The following VWC2 variants were observed in gnomAD, a reference collection of about 807,000 sequenced individuals.
VWC2 encodes brorin.
A neutral mutation model predicts 29.8 loss-of-function variants in VWC2; 14 were observed. The ratio of observed to expected loss-of-function variants is 0.47; its 90% confidence interval spans 0.31 to 0.74. VWC2 has a LOEUF of 0.74. Among genes scored for constraint, VWC2 ranks in the 30% least tolerant of loss-of-function variants. The pLI is 0.05. For synonymous variants in VWC2, 213 were observed against 199.0 expected (o/e 1.07, Z -0.59); for missense variants, 457 against 459.8 (o/e 0.99, Z 0.05).
chr7:49,785,501 G>A (rs1263517228), intron 2 of VWC2, among the ~76,000 whole-genome samples: 1 of 152,152 alleles, frequency 6.6e-6, no homozygotes, highest in Non-Finnish European at 1.5e-5. Context: ...AGACTTTCTA[G>A]TTGAAAGACA....
At chr7:49,898,505 T>A (rs1271130252) in intron 3 of VWC2, among the ~76,000 whole-genome samples, 1 of 152,082 alleles carries the variant, frequency 6.6e-6, no homozygotes, top group East Asian at 1.9e-4. Context: ...ACTCCTTCAC[T>A]TTTGAAAGTT....
chr7:49,895,755 T>A (rs1429970687), intron 3 of VWC2, among the ~76,000 whole-genome samples: 1 of 152,068 alleles, frequency 6.6e-6, no homozygotes, highest in African/African-American at 2.4e-5. Context: ...ATATATAGCA[T>A]ATAAATATAA....
At chr7:49,797,957 A>G (rs1788634857) in intron 2 of VWC2, among the ~76,000 whole-genome samples, 1 of 152,242 alleles carries the variant, frequency 6.6e-6, no homozygotes, top group South Asian at 2.1e-4. Flanking sequence ...TGATTTGCTA[A>G]TAAGAAGTAC....
chr7:49,792,974 C>T (rs974148395), intron 2 of VWC2, among the ~76,000 whole-genome samples: 1 of 152,228 alleles, frequency 6.6e-6, no homozygotes, highest in African/African-American at 2.4e-5. Flanking sequence ...TGGGACAACG[C>T]TCGTGCTTAT....
intron 3 of VWC2, among the ~76,000 whole-genome samples, chr7:49,821,545 A>T (rs894869684): frequency 1.3e-5 from 2 of 152,228 alleles, no homozygotes; most frequent in Non-Finnish European, 2.9e-5. Flanking sequence ...ATAGCACAAG[A>T]AAAAAGCAGC....
At chr7:49,865,996 A>T (rs1268262336) in intron 3 of VWC2, among the ~76,000 whole-genome samples, 1 of 152,230 alleles carries the variant, frequency 6.6e-6, no homozygotes, top group Non-Finnish European at 1.5e-5. Context: ...TTTTACAGCC[A>T]TACCTTGCTT....
At chr7:49,825,876 G>C (rs1199128984) in intron 3 of VWC2, among the ~76,000 whole-genome samples, 1 of 152,028 alleles carries the variant, frequency 6.6e-6, no homozygotes, top group Non-Finnish European at 1.5e-5. Flanking sequence ...CTTATTCCTC[G>C]GTTGGCCAGA....
At chr7:49,911,725 C>T (rs967235995) in intron 3 of VWC2, among the ~76,000 whole-genome samples, 2 of 151,532 alleles carry the variant, frequency 1.3e-5, no homozygotes, top group Admixed American at 6.6e-5. Flanking sequence ...TGTTAAACCC[C>T]ATTTCTACAA....
At chr7:49,907,102 T>C (rs527632679) in intron 3 of VWC2, among the ~76,000 whole-genome samples, 1 of 152,242 alleles carries the variant, frequency 6.6e-6, no homozygotes, top group Non-Finnish European at 1.5e-5. Flanking sequence ...CTGGGACATG[T>C]TTTTAGGTGA....
intron 3 of VWC2, 58 bp from the exon 4 acceptor site, chr7:49,911,976 T>A: frequency 7.9e-7 from 1 of 1,263,146 alleles, no homozygotes. Flanking sequence ...TAATACCTAA[T>A]TATATATATT....
At position 49,775,979 on chromosome 7, in the gene VWC2, G is replaced by A. The variant is rs758362739; in HGVS notation, c.544G>A (p.Glu182Lys). The A allele has an allele frequency of 6.5e-7, 1 of 1,547,782 alleles. No individual in the cohort carries two copies. Among genetic ancestry groups the A allele is most frequent in the Non-Finnish European group, 8.7e-7 (1 of 1,149,938 alleles). Reference protein sequence around the residue: ...GPSACPCLCTEEGPLCAQPEC... With the variant: ...GPSACPCLCTKEGPLCAQPEC... ...CTCGGCCTGCCCGTGCCTGTGCACC[G>A]AGGAGGGGCCGCTGTGCGCGCAGCC... The change falls in exon 2 of 4, where the codon GAG (glutamate) becomes AAG (lysine). Residue 182 changes from glutamate (E) to lysine (K), a missense_variant. Physicochemically the swap from Glu to Lys is moderately conservative, Grantham distance 56 (BLOSUM62 1). Coordinates refer to ENST00000340652, the MANE Select transcript of VWC2 (RefSeq NM_198570.5).
intron 2 of VWC2, among the ~76,000 whole-genome samples, chr7:49,795,953 G>C (rs1035977222): frequency 2.6e-5 from 4 of 152,110 alleles, no homozygotes; most frequent in Admixed American, 2.6e-4. Flanking sequence ...GGGGTCCAGA[G>C]ACTTAAAGAA....
intron 3 of VWC2, among the ~76,000 whole-genome samples, chr7:49,847,933 T>C (rs1316817159): frequency 1.3e-5 from 2 of 152,152 alleles, no homozygotes; most frequent in African/African-American, 4.8e-5. Flanking sequence ...TGGAATGGGT[T>C]AGCACTGGGA....
intron 3 of VWC2, among the ~76,000 whole-genome samples, chr7:49,816,468 C>G (rs568717989): frequency 6.6e-6 from 1 of 152,172 alleles, no homozygotes; most frequent in South Asian, 2.1e-4. Flanking sequence ...AGGGGGAGAT[C>G]AAAAGTTTAA....
At chr7:49,841,154 T>C (rs557442286) in intron 3 of VWC2, among the ~76,000 whole-genome samples, 1 of 152,308 alleles carries the variant, frequency 6.6e-6, no homozygotes, top group African/African-American at 2.4e-5. Context: ...CAGGAGGGAT[T>C]CCAGAGCAAG....
intron 3 of VWC2, among the ~76,000 whole-genome samples, chr7:49,873,199 C>T (rs2128724054): frequency 6.6e-6 from 1 of 152,234 alleles, no homozygotes; most frequent in South Asian, 2.1e-4. Flanking sequence ...TAACAAAATA[C>T]ATGAACTGGA....
intron 3 of VWC2, among the ~76,000 whole-genome samples, chr7:49,872,682 G>T (rs1033647148): frequency 2.7e-5 from 4 of 149,010 alleles, no homozygotes; most frequent in African/African-American, 9.9e-5. Flanking sequence ...AAGGTGGGCG[G>T]ATCACCTGAG....
intron 3 of VWC2, among the ~76,000 whole-genome samples, chr7:49,888,898 C>T (rs778680069): frequency 2.6e-5 from 4 of 151,556 alleles, no homozygotes; most frequent in South Asian, 2.1e-4. Flanking sequence ...GGGACAAGAG[C>T]GAGACTTCAT....
At chr7:49,830,562 A>G (rs1348797416) in intron 3 of VWC2, among the ~76,000 whole-genome samples, 1 of 152,186 alleles carries the variant, frequency 6.6e-6, no homozygotes, top group African/African-American at 2.4e-5. Flanking sequence ...GTACATGTGC[A>G]CAATGTGCAA....
Sources: allele counts gnomAD v4.1 joint callset (sites outside exome capture counted in the v4.1 genomes callset), GRCh38; gene constraint gnomAD v4.1.1; transcripts MANE v1.5; gene names NCBI Gene and HGNC (gene_info 2026-07-23, HGNC 2026-07-21).